RB1CC1: variants seen among roughly 807,000 people sequenced by gnomAD.
RB1CC1 encodes RB1-inducible coiled-coil protein 1.
In RB1CC1, 46 loss-of-function variants were observed where a neutral mutation model predicts 177.5. That is an observed-to-expected ratio of 0.26 (90% confidence interval 0.20 to 0.33). RB1CC1 has a LOEUF of 0.33. RB1CC1 is among the 10% of genes least tolerant of loss of function. The pLI, the probability that RB1CC1 is intolerant of heterozygous loss-of-function variation, is 1.00. For missense variants in RB1CC1, 1,703 were observed against 1,816.3 expected (o/e 0.94, Z 1.13); for synonymous variants, 666 against 613.6 (o/e 1.09, Z -1.26).
intron 20 of RB1CC1, among the ~76,000 whole-genome samples, chr8:52,634,233 T>C (rs1339567408): frequency 6.6e-6 from 1 of 151,858 alleles, no homozygotes; most frequent in Non-Finnish European, 1.5e-5. Flanking sequence ...ATAAGATTCA[T>C]GAAAAGGGCT....
In RB1CC1 at chr8:52,626,167, T is replaced by C. The variant is rs185544558; in HGVS notation, c.4637-1380A>G. On this transcript the variant is annotated intron_variant, in intron 22 of 23. Coordinates refer to ENST00000025008, the MANE Select transcript of RB1CC1 (RefSeq NM_014781.5). Reference sequence around the variant, plus strand: ...AACAAAAGGCATAAAAACACTCTGGTAATCCGCACTCTCCCAAGGCAACAA... The same window carrying C: ...AACAAAAGGCATAAAAACACTCTGGCAATCCGCACTCTCCCAAGGCAACAA... 2.1e-4 allele frequency among the ~76,000 whole-genome samples: 32 copies of C among 152,276 alleles called. No homozygotes were observed. In the East Asian group the frequency reaches 5.2e-3, roughly 25 times the overall value.
chr8:52,658,511 A>C (rs1328723563), intron 13 of RB1CC1, among the ~76,000 whole-genome samples: 4 of 146,364 alleles, frequency 2.7e-5, no homozygotes, highest in Non-Finnish European at 1.5e-5. Flanking sequence ...TGGGAGGTGA[A>C]GGTTGCAGTG....
chr8:52,648,245 T>C (rs1181959938), intron 15 of RB1CC1, among the ~76,000 whole-genome samples: 1 of 152,152 alleles, frequency 6.6e-6, no homozygotes, highest in African/African-American at 2.4e-5. Flanking sequence ...ACATGAAAAA[T>C]AATCATTATC....
At chr8:52,651,907 A>G (rs1012130400) in intron 15 of RB1CC1, among the ~76,000 whole-genome samples, 1 of 152,094 alleles carries the variant, frequency 6.6e-6, no homozygotes, top group South Asian at 2.1e-4. Flanking sequence ...TGTTAAGATT[A>G]TGAGAAAATC....
intron 1 of RB1CC1, among the ~76,000 whole-genome samples, chr8:52,694,570 C>A (rs1166351977): frequency 2.6e-5 from 4 of 152,150 alleles, no homozygotes; most frequent in African/African-American, 9.7e-5. Flanking sequence ...ACTATCTGGT[C>A]CTTTAGAGAG....
At chr8:52,658,579 GAAAAA>G (rs67680393) in intron 13 of RB1CC1, among the ~76,000 whole-genome samples, 16 of 98,796 alleles carry the variant, frequency 1.6e-4, no homozygotes, top group South Asian at 3.4e-4. Context: ...TCCGTCTCAA[GAAAAA>G]AAAAAAAAAA....
intron 8 of RB1CC1, among the ~76,000 whole-genome samples, chr8:52,666,646 G>C (rs1168301423): frequency 6.6e-6 from 1 of 152,098 alleles, no homozygotes; most frequent in African/African-American, 2.4e-5. Flanking sequence ...AAGAGATGAT[G>C]AATGGCTAAG....
chr8:52,669,131 AG>A (rs1852333736), intron 7 of RB1CC1, among the ~76,000 whole-genome samples: 1 of 152,222 alleles, frequency 6.6e-6, no homozygotes, highest in Non-Finnish European at 1.5e-5. Context: ...ACATTTGGGT[AG>A]CAACCATGAA....
At chr8:52,659,690 T>C (rs1177055724) in intron 12 of RB1CC1, among the ~76,000 whole-genome samples, 1 of 152,160 alleles carries the variant, frequency 6.6e-6, no homozygotes, top group Non-Finnish European at 1.5e-5. Flanking sequence ...TCCTGCAGTA[T>C]AGAAACATGT....
chr8:52,640,406 G>A (rs533351059), intron 18 of RB1CC1, among the ~76,000 whole-genome samples: 5 of 152,270 alleles, frequency 3.3e-5, no homozygotes, highest in African/African-American at 9.6e-5. Context: ...AATGATAAAC[G>A]TTTGAGGTGA....
At chr8:52,648,063 G>T (rs780886461) in intron 15 of RB1CC1, among the ~76,000 whole-genome samples, 8 of 152,050 alleles carry the variant, frequency 5.3e-5, no homozygotes, top group Non-Finnish European at 8.8e-5. Flanking sequence ...GTGCTGTGCT[G>T]AGATAATACA....
intron 1 of RB1CC1, among the ~76,000 whole-genome samples, chr8:52,693,365 T>C (rs1855084092): frequency 6.6e-6 from 1 of 152,124 alleles, no homozygotes; most frequent in Non-Finnish European, 1.5e-5. Flanking sequence ...ATTTTTGCAA[T>C]CTATCCATCT....
intron 1 of RB1CC1, among the ~76,000 whole-genome samples, chr8:52,705,472 G>A (rs928895059): frequency 8.5e-5 from 13 of 152,222 alleles, no homozygotes; most frequent in East Asian, 7.7e-4. Context: ...GATTAACAGT[G>A]GGTCCACTGG....
intron 22 of RB1CC1, among the ~76,000 whole-genome samples, chr8:52,625,488 T>G (rs1848321605): frequency 6.6e-6 from 1 of 152,182 alleles, no homozygotes; most frequent in African/African-American, 2.4e-5. Flanking sequence ...GCTGTCTTAT[T>G]AAAGTTGACT....
chr8:52,657,926 A>T lies in RB1CC1; in HGVS notation c.1921-18T>A. 6.2e-7 allele frequency: 1 copy of T among 1,611,784 alleles called. No homozygotes were observed. Among genetic ancestry groups the T allele is most frequent in the African/African-American group, 1.3e-5 (1 of 74,828 alleles). On this transcript the variant is annotated intron_variant, in intron 14 of 23. Transcript: ENST00000025008. ...ACAGATGCCTGGAAAACAGAAAGAA[A>T]GGCTTAAAGAGCTGCAGGAACACAA...
intron 20 of RB1CC1, among the ~76,000 whole-genome samples, chr8:52,632,427 T>C (rs1030045607): frequency 3.9e-5 from 6 of 152,200 alleles, no homozygotes; most frequent in Non-Finnish European, 8.8e-5. Flanking sequence ...TAAAACTGTA[T>C]AGCAACTTAC....
chr8:52,681,773 A>T (rs1243865796), intron 5 of RB1CC1, among the ~76,000 whole-genome samples: 1 of 152,186 alleles, frequency 6.6e-6, no homozygotes, highest in Non-Finnish European at 1.5e-5. Flanking sequence ...TCTATATAAT[A>T]AGTCAATAAA....
chr8:52,702,636 C>T (rs934341381), intron 1 of RB1CC1, among the ~76,000 whole-genome samples: 1 of 152,122 alleles, frequency 6.6e-6, no homozygotes, highest in South Asian at 2.1e-4. Flanking sequence ...GGATCACTCG[C>T]ACCCGGCAGG....
chr8:52,645,686 GAA>G lies in RB1CC1; in HGVS notation c.3987+14_3987+15del. 1.2e-6 allele frequency: 2 copies of G among 1,601,776 alleles called. No individual in the cohort carries two copies. The highest frequency in any genetic ancestry group is 2.7e-5 in the African/African-American group (2 of 74,068). Reference sequence around the variant, plus strand: ...CTTCTTTAGTTCTCAAATGAAATGGGAAAAGAGATACAGACCTGTTGTTCCGC... The same window carrying G: ...CTTCTTTAGTTCTCAAATGAAATGGGAAGAGATACAGACCTGTTGTTCCGC... On this transcript the variant is annotated intron_variant, in intron 16 of 23. Coordinates refer to ENST00000025008, the MANE Select transcript of RB1CC1 (RefSeq NM_014781.5).
Sources: allele counts gnomAD v4.1 joint callset (sites outside exome capture counted in the v4.1 genomes callset), GRCh38; gene constraint gnomAD v4.1.1; transcripts MANE v1.5; gene names NCBI Gene and HGNC (gene_info 2026-07-23, HGNC 2026-07-21).